The following TNR variants were observed in gnomAD, a reference collection of about 807,000 sequenced individuals.
TNR encodes tenascin-R.
TNR carries 45 observed loss-of-function variants against 150.4 expected under a neutral mutation model. That is an observed-to-expected ratio of 0.30 (90% CI 0.24 to 0.38). TNR has a LOEUF of 0.38. TNR is among the 10% of genes least tolerant of loss of function. The pLI, the probability that TNR is intolerant of heterozygous loss-of-function variation, is 1.00. For synonymous variants in TNR, 687 were observed against 678.4 expected (o/e 1.01, Z -0.20); for missense variants, 1,544 against 1,759.1 (o/e 0.88, Z 2.19).
chr1:175,708,955 T>C (rs1308845282), intron 1 of TNR, among the ~76,000 whole-genome samples: 1 of 151,032 alleles, frequency 6.6e-6, no homozygotes, highest in Non-Finnish European at 1.5e-5. Flanking sequence ...TAAACAAATA[T>C]CTCATTATGC....
chr1:175,424,572 G>T (rs1654887644), intron 2 of TNR, among the ~76,000 whole-genome samples: 1 of 152,204 alleles, frequency 6.6e-6, no homozygotes, highest in African/African-American at 2.4e-5. Flanking sequence ...AGTCCTGTGG[G>T]AGGGAAAGGT....
chr1:175,689,804 T>A (rs1666307939), intron 1 of TNR, among the ~76,000 whole-genome samples: 1 of 152,218 alleles, frequency 6.6e-6, no homozygotes, highest in Non-Finnish European at 1.5e-5. Context: ...TCTCTCACTG[T>A]GCTTATTCAA....
At chr1:175,708,353 C>T (rs1666901017) in intron 1 of TNR, among the ~76,000 whole-genome samples, 16 of 152,188 alleles carry the variant, frequency 1.1e-4, no homozygotes, top group Admixed American at 1.0e-3. Context: ...ATGCCTAGAG[C>T]TTCCTCCCTT....
intron 11 of TNR, 87 bp downstream of exon 11, chr1:175,365,788 A>G: frequency 6.6e-7 from 1 of 1,525,892 alleles, no homozygotes; most frequent in Non-Finnish European, 8.8e-7. Flanking sequence ...GAAATGGAAC[A>G]TTGGAAGAGT....
intron 1 of TNR, among the ~76,000 whole-genome samples, chr1:175,672,022 C>T (rs1665716796): frequency 1.3e-5 from 2 of 151,890 alleles, no homozygotes; most frequent in South Asian, 2.1e-4. Context: ...CTAGTTGGCT[C>T]ATAGCAGAAC....
chr1:175,336,013 T>C (rs1650231168), intron 19 of TNR, among the ~76,000 whole-genome samples: 1 of 152,238 alleles, frequency 6.6e-6, no homozygotes, highest in East Asian at 1.9e-4. Flanking sequence ...AGCATTTCTC[T>C]TGAAGTGTAG....
At position 175,599,060 on chromosome 1, in the gene TNR, G is replaced by A. The variant is rs1220376544; in HGVS notation, c.-164-70691C>T. 6.6e-6 allele frequency among the ~76,000 whole-genome samples: 1 copy of A among 152,210 alleles called. No individual in the cohort carries two copies. The highest frequency in any genetic ancestry group is 2.4e-5 in the African/African-American group (1 of 41,450). On this transcript the variant is annotated intron_variant, in intron 1 of 22. Coordinates refer to ENST00000367674, the MANE Select transcript of TNR (RefSeq NM_003285.3). This position sits in a 1 kb window ranked among gnomAD's most constrained non-coding sequence, Gnocchi z 4.7. The stretch of plus-strand genomic sequence containing the variant: ...TCCCCAAGGTCACACGTTCAGTGAC[G>A]GAGAGGCAGGGTGGAGCTGCGGTCT...
chr1:175,566,105 G>A (rs1661632190), intron 1 of TNR, among the ~76,000 whole-genome samples: 1 of 152,176 alleles, frequency 6.6e-6, no homozygotes, highest in African/African-American at 2.4e-5. Context: ...AAGCAGAGAA[G>A]GAAGAAAATA....
chr1:175,720,752 T>G (rs1667275795), intron 1 of TNR, among the ~76,000 whole-genome samples: 1 of 152,244 alleles, frequency 6.6e-6, no homozygotes, highest in African/African-American at 2.4e-5. Context: ...TCCTGCCCAG[T>G]GGAGGAAGGA....
chr1:175,594,877 A>T (rs975778547), intron 1 of TNR, among the ~76,000 whole-genome samples: 29 of 149,698 alleles, frequency 1.9e-4, no homozygotes, highest in Non-Finnish European at 3.6e-4. Context: ...AAAAAAAAAA[A>T]TTATTGGCTG....
At chr1:175,408,570 C>A (rs1201715180) in intron 2 of TNR, among the ~76,000 whole-genome samples, 1 of 152,158 alleles carries the variant, frequency 6.6e-6, no homozygotes, top group African/African-American at 2.4e-5. Flanking sequence ...ACTATAGACT[C>A]TGGAGCCTAT....
chr1:175,432,816 C>T (rs1312859113), intron 2 of TNR, among the ~76,000 whole-genome samples: 3 of 152,166 alleles, frequency 2.0e-5, no homozygotes, highest in African/African-American at 7.2e-5. Flanking sequence ...TGGTGGCAAA[C>T]ACATAATGTT....
chr1:175,354,009 C>A (rs1651198828), intron 18 of TNR, among the ~76,000 whole-genome samples: 1 of 152,080 alleles, frequency 6.6e-6, no homozygotes, highest in Admixed American at 6.5e-5. Flanking sequence ...CCATGCCCAA[C>A]TAATTTTTGT....
intron 1 of TNR, among the ~76,000 whole-genome samples, chr1:175,672,577 C>T (rs1349270936): frequency 6.6e-6 from 1 of 152,202 alleles, no homozygotes; most frequent in Non-Finnish European, 1.5e-5. Context: ...TTCTGCAGGC[C>T]TTCTCAGTGA....
At chr1:175,622,094 T>C (rs1326015480) in intron 1 of TNR, among the ~76,000 whole-genome samples, 1 of 152,240 alleles carries the variant, frequency 6.6e-6, no homozygotes, top group Non-Finnish European at 1.5e-5. Context: ...TAATATATGT[T>C]GGGTAAATGT....
chr1:175,387,735 A>G (rs1652999883), intron 7 of TNR, among the ~76,000 whole-genome samples: 1 of 152,190 alleles, frequency 6.6e-6, no homozygotes, highest in Non-Finnish European at 1.5e-5. Context: ...CTTGTTTCTA[A>G]CCAGTCCACT....
At chr1:175,516,495 G>C (rs1485221816) in intron 2 of TNR, among the ~76,000 whole-genome samples, 1 of 152,202 alleles carries the variant, frequency 6.6e-6, no homozygotes, top group African/African-American at 2.4e-5. Flanking sequence ...GGGGACCAAG[G>C]AGAGAGGGAG....
At chr1:175,710,969 G>A (rs1308612194) in intron 1 of TNR, among the ~76,000 whole-genome samples, 1 of 150,050 alleles carries the variant, frequency 6.7e-6, no homozygotes, top group Non-Finnish European at 1.5e-5. Flanking sequence ...CCCATCAAAG[G>A]TGATATACGG....
At chr1:175,547,868 G>T (rs182095588) in intron 1 of TNR, among the ~76,000 whole-genome samples, 14 of 152,338 alleles carry the variant, frequency 9.2e-5, no homozygotes, top group African/African-American at 3.1e-4. Context: ...ACTCTGTAGA[G>T]AGCGTTGAAT....
Sources: gnomAD v4.1 joint callset for allele counts (sites outside exome capture counted in the v4.1 genomes callset) on GRCh38, gnomAD v4.1.1 for gene constraint, Gnocchi (gnomAD v3.1) non-coding constraint, MANE v1.5 for transcripts, NCBI Gene and HGNC (gene_info 2026-07-23, HGNC 2026-07-21) for gene names.